Variants in HYLS1 observed in about 807,000 individuals in gnomAD.
The protein encoded by HYLS1 is HYLS1 centriolar and ciliogenesis associated.
HYLS1 carries 25 observed loss-of-function variants against 29.4 expected under a neutral mutation model. The ratio of observed to expected loss-of-function variants is 0.85; its 90% CI spans 0.62 to 1.19. The LOEUF is 1.19. Among genes scored for constraint, HYLS1 ranks in the 50% most tolerant of loss-of-function variants. HYLS1 has a pLI of 0.00. For missense variants in HYLS1, 352 were observed against 365.1 expected (o/e 0.96, Z 0.29); for synonymous variants, 128 against 126.7 (o/e 1.01, Z -0.07).
intron 2 of HYLS1, chr11:125,899,040 A>C (rs1591506340): frequency 7.2e-6 from 2 of 279,432 alleles, no homozygotes; most frequent in East Asian, 1.4e-4. Context: ...TGCATTAAGC[A>C]GTATGCCCCA....
At chr11:125,889,984 G>A (rs1482583578) in intron 1 of HYLS1, among the ~76,000 whole-genome samples, 1 of 152,168 alleles carries the variant, frequency 6.6e-6, no homozygotes, top group East Asian at 1.9e-4. Flanking sequence ...TTGTGCCCAG[G>A]CTGGAGTGCA....
chr11:125,896,430 T>G (rs1378789153), intron 2 of HYLS1: 2 of 861,540 alleles, frequency 2.3e-6, no homozygotes, highest in East Asian at 5.3e-5. Flanking sequence ...AGAATATACT[T>G]TTGCTTTTCC....
chr11:125,889,172 A>G (rs1944365237), intron 1 of HYLS1, among the ~76,000 whole-genome samples: 1 of 152,248 alleles, frequency 6.6e-6, no homozygotes, highest in Non-Finnish European at 1.5e-5. Flanking sequence ...AATTGGGAAC[A>G]CATTTCTCTG....
At chr11:125,886,967 CA>C, upstream of HYLS1, 1 of 145,076 alleles carries the variant, frequency 6.9e-6, no homozygotes, top group African/African-American at 2.5e-5. Context: ...GTGAAGGAGA[CA>C]GGCACATTCC....
At chr11:125,886,592 T>C (rs1208171759), upstream of HYLS1, among the ~76,000 whole-genome samples, 1 of 82,336 alleles carries the variant, frequency 1.2e-5, no homozygotes, top group Admixed American at 1.4e-4. Context: ...TTTTTTTTTT[T>C]TTTTTTTTTA....
chr11:125,896,861 C>T (rs1944606153), intron 2 of HYLS1, among the ~76,000 whole-genome samples: 1 of 152,038 alleles, frequency 6.6e-6, no homozygotes, highest in Non-Finnish European at 1.5e-5. Context: ...AAGAAGCTTA[C>T]CGATGGTTGT....
At chr11:125,886,296 C>T (rs1944303261), upstream of HYLS1, among the ~76,000 whole-genome samples, 1 of 152,166 alleles carries the variant, frequency 6.6e-6, no homozygotes, top group Non-Finnish European at 1.5e-5. Flanking sequence ...AGAGGTAGCA[C>T]AAAGGCCCTG....
chr11:125,900,561 C>T lies in HYLS1; in HGVS notation c.*293C>T, dbSNP rs886047940. 122 of 403,986 alleles carry T rather than the reference C, an allele frequency of 3.0e-4. No homozygotes were observed. Among genetic ancestry groups the T allele is most frequent in the Non-Finnish European group, 5.3e-4 (111 of 209,952 alleles). 25.0% of individuals were successfully genotyped at this position (403,986 alleles called of 1,614,324 possible). On this transcript the variant is annotated 3_prime_UTR_variant, in exon 3 of 3. Transcript: ENST00000425380. ...CTTTGTGTCCTGTAACTTTTTTTACCTATCAATATGAGTTGCTGTGCTTCA... is the reference window on the plus strand; with the variant it reads ...CTTTGTGTCCTGTAACTTTTTTTACTTATCAATATGAGTTGCTGTGCTTCA...
chr11:125,895,959 G>C, intron 2 of HYLS1: 2 of 1,614,058 alleles, frequency 1.2e-6, no homozygotes, highest in Middle Eastern at 1.6e-4. Context: ...GTGATAGTTG[G>C]ATGTCTGTCT....
Position 125,899,771 on chromosome 11 carries a change from C to T in HYLS1, c.403C>T (p.Leu135=). The change falls in exon 3 of 3, where the codon CTG becomes TTG. Residue 135 remains leucine, a synonymous_variant. Transcript: ENST00000425380. ...GGATCTCTGGGACTTAAGACAAAGG[C>T]TGATGAATGTACAGTTCCAGGAAGA... The part of the protein sequence containing the change: ...DQDLWDLRQR[L]MNVQFQEDKE... The T allele has an allele frequency of 6.2e-7, 1 of 1,614,164 alleles. No individual in the cohort carries two copies. The highest frequency in any genetic ancestry group is 8.5e-7 in the Non-Finnish European group (1 of 1,180,010).
upstream of HYLS1, among the ~76,000 whole-genome samples, chr11:125,886,840 G>A (rs1033608951): frequency 1.3e-5 from 2 of 148,640 alleles, no homozygotes; most frequent in African/African-American, 5.0e-5. Flanking sequence ...GAACCTGGGA[G>A]GCAGAGGTTA....
chr11:125,887,187 C>A (rs1024408584), upstream of HYLS1: 1 of 152,394 alleles, frequency 6.6e-6, no homozygotes. Flanking sequence ...GCGGACTCAC[C>A]CCAGACTGTT....
Position 125,900,374 on chromosome 11 carries a change from T to C in HYLS1, c.*106T>C. ...TTGAGAAGCTCTTCGAAACATTTTATGGTAAGGACTTCACCTATCATTGGT... is the reference window on the plus strand; with the variant it reads ...TTGAGAAGCTCTTCGAAACATTTTACGGTAAGGACTTCACCTATCATTGGT... On this transcript the variant is annotated 3_prime_UTR_variant, in exon 3 of 3. Coordinates refer to ENST00000425380, the MANE Select transcript of HYLS1 (RefSeq NM_001134793.2). The C allele has an allele frequency of 9.5e-7, 1 of 1,050,618 alleles. No homozygotes were observed. Among genetic ancestry groups the C allele is most frequent in the Non-Finnish European group, 1.4e-6 (1 of 689,666 alleles). 65.1% of individuals were successfully genotyped at this position (1,050,618 alleles called of 1,614,324 possible). A position where few individuals can be genotyped will look rare whatever the true frequency, so the allele number is the denominator to read the frequency against.
upstream of HYLS1, among the ~76,000 whole-genome samples, chr11:125,885,121 C>T (rs1345398065): frequency 6.6e-6 from 1 of 152,134 alleles, no homozygotes; most frequent in Non-Finnish European, 1.5e-5. Flanking sequence ...ATGTATTAAA[C>T]GTTTTCAAAG....
chr11:125,884,708 A>G (rs1480722597), upstream of HYLS1, among the ~76,000 whole-genome samples: 1 of 152,240 alleles, frequency 6.6e-6, no homozygotes, highest in Non-Finnish European at 1.5e-5. Flanking sequence ...TCAGATACTC[A>G]GTATTTGCTT....
intron 2 of HYLS1, among the ~76,000 whole-genome samples, chr11:125,895,047 A>G (rs978444207): frequency 1.0e-4 from 15 of 147,380 alleles, no homozygotes; most frequent in African/African-American, 3.9e-4. Context: ...AGGATATGCT[A>G]TTTCTTTTTT....
chr11:125,891,346 ACTTATGGTTAGTG>A (rs1300030724), intron 1 of HYLS1, 64 bp from the exon 2 acceptor site: 3 of 151,670 alleles, frequency 2.0e-5, no homozygotes, highest in African/African-American at 7.3e-5. Flanking sequence ...CCTAACAATG[ACTTATGGTTAGTG>A]CATTTTGTTC....
At chr11:125,896,301 G>A (rs773759423) in intron 2 of HYLS1, 1 of 1,587,886 alleles carries the variant, frequency 6.3e-7, no homozygotes, top group South Asian at 1.1e-5. Flanking sequence ...ACAACCCCAG[G>A]AATAAACGAA....
intron 1 of HYLS1, among the ~76,000 whole-genome samples, chr11:125,888,520 G>C (rs1944350195): frequency 6.6e-6 from 1 of 152,158 alleles, no homozygotes; most frequent in African/African-American, 2.4e-5. Context: ...TGTTACCCCA[G>C]CACTTTGGGA....
Sources: gnomAD v4.1 joint callset for allele counts (sites outside exome capture counted in the v4.1 genomes callset) on GRCh38, gnomAD v4.1.1 for gene constraint, MANE v1.5 for transcripts, NCBI Gene and HGNC (gene_info 2026-07-23, HGNC 2026-07-21) for gene names.